PDE4B: variants seen among roughly 807,000 people sequenced by gnomAD.
The protein encoded by PDE4B is 3',5'-cyclic-AMP phosphodiesterase 4B.
A neutral mutation model predicts 82.2 loss-of-function variants in PDE4B; 20 were observed. The observed-to-expected ratio is 0.24, with a 90% CI of 0.17 to 0.35. The LOEUF is 0.35. Among genes scored for constraint, PDE4B ranks in the 10% least tolerant of loss-of-function variants. The pLI is 1.00. For synonymous variants in PDE4B, 320 were observed against 318.9 expected (o/e 1.00, Z -0.04); for missense variants, 655 against 907.2 (o/e 0.72, Z 3.57).
At chr1:66,055,604 C>T (rs1052710733) in intron 3 of PDE4B, among the ~76,000 whole-genome samples, 1 of 152,030 alleles carries the variant, frequency 6.6e-6, no homozygotes, top group East Asian at 1.9e-4. Flanking sequence ...TTTTTAAACT[C>T]ATCCCACTCT....
chr1:66,156,047 T>C (rs1272311341), intron 3 of PDE4B, among the ~76,000 whole-genome samples: 1 of 152,206 alleles, frequency 6.6e-6, no homozygotes, highest in Admixed American at 6.5e-5. Context: ...GACAGGTTGA[T>C]TCAGTGTCTA....
intron 8 of PDE4B, among the ~76,000 whole-genome samples, chr1:66,334,281 G>C (rs1660343372): frequency 6.6e-6 from 1 of 152,178 alleles, no homozygotes; most frequent in South Asian, 2.1e-4. Flanking sequence ...AAGAGAAAAA[G>C]AGTACCCCCT....
At chr1:66,244,195 T>A (rs1653115302) in intron 3 of PDE4B, among the ~76,000 whole-genome samples, 1 of 152,036 alleles carries the variant, frequency 6.6e-6, no homozygotes, top group African/African-American at 2.4e-5. Flanking sequence ...CTGTAGCACA[T>A]AACAAATACT....
chr1:66,198,180 G>A (rs1648499684), intron 3 of PDE4B, among the ~76,000 whole-genome samples: 1 of 152,064 alleles, frequency 6.6e-6, no homozygotes, highest in Non-Finnish European at 1.5e-5. Flanking sequence ...ATTCTGCAAG[G>A]CCCCGTTCCC....
chr1:66,150,832 CATTA>C (rs759930784), intron 3 of PDE4B, among the ~76,000 whole-genome samples: 3 of 152,096 alleles, frequency 2.0e-5, no homozygotes, highest in Non-Finnish European at 2.9e-5. Context: ...TGGTCTATTA[CATTA>C]ATTAACTTTC....
intron 3 of PDE4B, among the ~76,000 whole-genome samples, chr1:65,979,051 T>C (rs183800998): frequency 6.6e-6 from 1 of 152,324 alleles, no homozygotes; most frequent in East Asian, 1.9e-4. Context: ...TCAATATTTA[T>C]TGAGCTTTGA....
At chr1:66,349,293 T>A (rs1661648426) in intron 8 of PDE4B, among the ~76,000 whole-genome samples, 2 of 152,228 alleles carry the variant, frequency 1.3e-5, no homozygotes, top group South Asian at 4.1e-4. Context: ...TTCATCATAA[T>A]TTTTGATGCA....
chr1:66,004,250 TA>T (rs1652026320), intron 3 of PDE4B, among the ~76,000 whole-genome samples: 1 of 152,152 alleles, frequency 6.6e-6, no homozygotes. Context: ...TGATTTTGTG[TA>T]AAATTTATAT....
intron 1 of PDE4B, among the ~76,000 whole-genome samples, chr1:65,821,888 A>G (rs1255574140): frequency 6.6e-6 from 1 of 152,244 alleles, no homozygotes; most frequent in East Asian, 1.9e-4. Context: ...TGAAAAGTAC[A>G]ATATAAAATA....
At chr1:65,927,669 C>T (rs539982979) in intron 3 of PDE4B, among the ~76,000 whole-genome samples, 64 of 152,026 alleles carry the variant, frequency 4.2e-4, no homozygotes, top group African/African-American at 1.5e-3. Context: ...AATAACCACT[C>T]GTGCTTCTTT....
chr1:65,932,709 A>G (rs1437630839), intron 3 of PDE4B, among the ~76,000 whole-genome samples: 1 of 152,180 alleles, frequency 6.6e-6, no homozygotes, highest in African/African-American at 2.4e-5. Context: ...CAAGAGAACA[A>G]TGCATGAACA....
At chr1:66,309,012 G>T (rs187756652) in intron 7 of PDE4B, among the ~76,000 whole-genome samples, 2 of 152,234 alleles carry the variant, frequency 1.3e-5, no homozygotes, top group East Asian at 3.9e-4. Flanking sequence ...TCAGGAAAGA[G>T]GCTAGGATTC....
At chr1:66,026,176 A>G (rs1477045970) in intron 3 of PDE4B, among the ~76,000 whole-genome samples, 1 of 152,204 alleles carries the variant, frequency 6.6e-6, no homozygotes, top group African/African-American at 2.4e-5. Context: ...AGCATGAATG[A>G]CAGTGTTTCC....
In PDE4B at chr1:66,372,662, C is replaced by A. The variant is rs1309617359; in HGVS notation, c.2195C>A (p.Ser732Tyr). 3.7e-6 allele frequency: 6 copies of A among 1,612,420 alleles called. No individual in the cohort carries two copies. Among genetic ancestry groups the A allele is most frequent in the Admixed American group, 3.3e-5 (2 of 59,938 alleles). ...ATAGACATTGCAACAGAAGACAAGT[C>A]CCCCGTGGATACATAATCCCCCTCT... is the stretch of plus-strand genomic sequence containing the variant. ...TDIDIATEDK[S>Y]PVDT Residue 732 changes from serine to tyrosine, a missense_variant, in exon 17 of 17, where the codon TCC becomes TAC. Coordinates refer to ENST00000341517, the MANE Select transcript of PDE4B (RefSeq NM_002600.4).
Position 66,332,690 on chromosome 1 carries a change from T to TGCAGCA in PDE4B, c.747+72_747+77dup. 6 of 1,195,530 alleles carry TGCAGCA rather than the reference T, an allele frequency of 5.0e-6. No homozygotes were observed. The Admixed American group carries it at 1.2e-4, about 24-fold the overall frequency. The allele number at this position is 1,195,530 out of a possible 1,614,324, so 74.1% of individuals were successfully genotyped here. Reference sequence around the variant, plus strand: ...AGCTCCAGCTCCCCTCACCCCTGTCTGCAGCAGAGTGCACCAGGGAATGCT... The same window carrying TGCAGCA: ...AGCTCCAGCTCCCCTCACCCCTGTCTGCAGCAGCAGCAGAGTGCACCAGGGAATGCT... On this transcript the variant is annotated intron_variant, in intron 8 of 16. Coordinates refer to ENST00000341517, the MANE Select transcript of PDE4B (RefSeq NM_002600.4).
At chr1:66,156,624 T>C (rs1404990600) in intron 3 of PDE4B, among the ~76,000 whole-genome samples, 1 of 152,174 alleles carries the variant, frequency 6.6e-6, no homozygotes, top group Non-Finnish European at 1.5e-5. Context: ...GTATATCTTC[T>C]TTCTTTTACA....
intron 3 of PDE4B, among the ~76,000 whole-genome samples, chr1:66,081,227 T>C (rs929203182): frequency 2.6e-5 from 4 of 152,112 alleles, no homozygotes; most frequent in Non-Finnish European, 4.4e-5. Flanking sequence ...GCATCTAACA[T>C]TGGCATCAAT....
chr1:65,801,157 G>A (rs1211729227), intron 1 of PDE4B, among the ~76,000 whole-genome samples: 1 of 152,100 alleles, frequency 6.6e-6, no homozygotes, highest in Non-Finnish European at 1.5e-5. Flanking sequence ...CATAGAGCAT[G>A]GATGATCCTG....
chr1:66,129,895 T>C lies in PDE4B; in HGVS notation c.282-117565T>C, dbSNP rs1379800633. On this transcript the variant is annotated intron_variant, in intron 3 of 16. Coordinates refer to ENST00000341517, the MANE Select transcript of PDE4B (RefSeq NM_002600.4). Reference sequence around the variant, plus strand: ...GGAGATGTATTACATTTTTCTTGTTTTTAATGCAAATTCCATGCATGGGCC... The same window carrying C: ...GGAGATGTATTACATTTTTCTTGTTCTTAATGCAAATTCCATGCATGGGCC... Among the ~76,000 whole-genome samples, 4 of 152,212 alleles carry C rather than the reference T, an allele frequency of 2.6e-5. No homozygotes were observed. The East Asian group carries it at 7.7e-4, about 29-fold the overall frequency.
Sources: allele counts gnomAD v4.1 joint callset (sites outside exome capture counted in the v4.1 genomes callset), GRCh38; gene constraint gnomAD v4.1.1; transcripts MANE v1.5; gene names NCBI Gene and HGNC (gene_info 2026-07-23, HGNC 2026-07-21).